DYM: variants seen among roughly 807,000 people sequenced by gnomAD.
DYM encodes dyggve-Melchior-Clausen syndrome protein.
DYM carries 78 observed loss-of-function variants against 93.1 expected under a neutral mutation model. The observed-to-expected ratio is 0.84, with a 90% CI of 0.70 to 1.01. The LOEUF (loss-of-function observed/expected upper bound fraction) is 1.01, where lower values mean the gene tolerates loss of function less well. Ranked by LOEUF, DYM falls within the 50% of genes least tolerant of loss-of-function variation. The probability of loss-of-function intolerance (pLI) is 0.00; values close to 1 mark genes in which losing one functional copy is unlikely to be tolerated. For missense variants in DYM, 789 were observed against 845.0 expected (o/e 0.93, Z 0.82); for synonymous variants, 321 against 319.7 (o/e 1.00, Z -0.04).
chr18:49,314,454 A>ACGTG lies in DYM; in HGVS notation c.763+17406_763+17409dup, dbSNP rs2061798986. On this transcript the variant is annotated intron_variant, in intron 8 of 17. Coordinates refer to ENST00000675505, the MANE Select transcript of DYM (RefSeq NM_001353214.3). ...TTTCTATATGGGCTTCCTGGTACACACGTGCGAATTCCTATGGAGTACATC... is the reference window on the plus strand; with the variant it reads ...TTTCTATATGGGCTTCCTGGTACACACGTGCGTGCGAATTCCTATGGAGTACATC... Among the ~76,000 whole-genome samples, 3 of 152,352 alleles carry ACGTG rather than the reference A, an allele frequency of 2.0e-5. No homozygotes were observed. In the South Asian group the frequency reaches 6.2e-4, roughly 32 times the overall value.
chr18:49,215,923 G>A (rs1043669163), intron 13 of DYM, among the ~76,000 whole-genome samples: 11 of 152,362 alleles, frequency 7.2e-5, no homozygotes, highest in Middle Eastern at 3.4e-3. Context: ...GCAGCGCACC[G>A]TGCGGGAGCC....
intron 15 of DYM, among the ~76,000 whole-genome samples, chr18:49,122,837 T>G (rs923361879): frequency 2.0e-5 from 3 of 152,162 alleles, no homozygotes; most frequent in Non-Finnish European, 2.9e-5. Flanking sequence ...ATATTCGGAG[T>G]GCATTTTGAC....
intron 14 of DYM, among the ~76,000 whole-genome samples, chr18:49,182,175 G>C (rs2089990250): frequency 6.6e-6 from 1 of 152,040 alleles, no homozygotes; most frequent in African/African-American, 2.4e-5. Context: ...TCCATGACTT[G>C]AATCTTATAA....
intron 14 of DYM, among the ~76,000 whole-genome samples, chr18:49,175,135 T>C (rs555418835): frequency 2.6e-4 from 39 of 152,332 alleles, no homozygotes; most frequent in African/African-American, 9.4e-4. Flanking sequence ...GTGTAATGCA[T>C]ATTTGTACTG....
chr18:49,289,762 TATATATATATACAC>T (rs2059965347), intron 8 of DYM, among the ~76,000 whole-genome samples: 2 of 42,164 alleles, frequency 4.7e-5, no homozygotes, highest in East Asian at 8.4e-4. Context: ...TATATATATA[TATATATATATACAC>T]ATATATATAT....
At position 49,042,320 on chromosome 18, in the gene DYM, C is replaced by A. The variant is rs148121511; in HGVS notation, c.*1735G>T. On this transcript the variant is annotated 3_prime_UTR_variant, in exon 18 of 18. Transcript: ENST00000675505. Reference sequence around the variant, plus strand: ...CTGCACTCACCTCTGGGACCCCACCCGGGATGGGCGCTCCACGAGTCCCTT... The same window carrying A: ...CTGCACTCACCTCTGGGACCCCACCAGGGATGGGCGCTCCACGAGTCCCTT... 0.032 allele frequency: 4,904 copies of A among 152,672 alleles called. 96 individuals carry two copies. The highest frequency in any genetic ancestry group is 0.047 in the Non-Finnish European group (3,213 of 68,118). The allele number at this position is 152,672 out of a possible 1,614,324, so 9.5% of individuals were successfully genotyped here.
At chr18:49,347,186 C>T (rs4939576) in intron 6 of DYM, among the ~76,000 whole-genome samples, 142,914 of 152,174 alleles carry the variant, frequency 0.94, 67,186 homozygotes, top group East Asian at 1. Flanking sequence ...GTAGGTCATC[C>T]CTATATTTGT....
In DYM at chr18:49,232,845, G is replaced by A. The variant is rs554240574; in HGVS notation, c.1461-23130C>T. Reference sequence around the variant, plus strand: ...GTTGGTCTTGAACTCCTGACCTCAGGTGATCCGCCCACCTCAGCCTCCCAA... The same window carrying A: ...GTTGGTCTTGAACTCCTGACCTCAGATGATCCGCCCACCTCAGCCTCCCAA... On this transcript the variant is annotated intron_variant, in intron 13 of 17. Transcript: ENST00000675505. 2.6e-5 allele frequency among the ~76,000 whole-genome samples: 4 copies of A among 151,776 alleles called. No individual in the cohort carries two copies. In the East Asian group the frequency reaches 7.8e-4, roughly 30 times the overall value.
intron 11 of DYM, among the ~76,000 whole-genome samples, chr18:49,265,112 AAT>A: frequency 6.6e-6 from 1 of 152,340 alleles, no homozygotes; most frequent in African/African-American, 2.4e-5. Context: ...CTCACTAAAC[AAT>A]ATATGTGCTA....
chr18:49,300,891 T>C (rs2060890251), intron 8 of DYM, among the ~76,000 whole-genome samples: 1 of 152,138 alleles, frequency 6.6e-6, no homozygotes, highest in African/African-American at 2.4e-5. Flanking sequence ...GAAAGTAATA[T>C]TCAAGGAAAG....
chr18:49,233,356 C>CA (rs33916448), intron 13 of DYM, among the ~76,000 whole-genome samples: 343 of 102,004 alleles, frequency 3.4e-3, no homozygotes, highest in East Asian at 0.013. Flanking sequence ...AAGATTCCAT[C>CA]AAAAAAAAAA....
intron 13 of DYM, among the ~76,000 whole-genome samples, chr18:49,235,216 A>G (rs534295787): frequency 6.6e-5 from 10 of 152,352 alleles, no homozygotes; most frequent in African/African-American, 2.4e-4. Flanking sequence ...AATGGAAGCT[A>G]ATACAGACTT....
At chr18:49,051,647 T>C (rs550523464) in intron 17 of DYM, among the ~76,000 whole-genome samples, 5 of 152,258 alleles carry the variant, frequency 3.3e-5, no homozygotes, top group East Asian at 3.9e-4. Context: ...AGGTTGACAA[T>C]AGACATTTTT....
intron 15 of DYM, among the ~76,000 whole-genome samples, chr18:49,142,018 T>C (rs542628702): frequency 6.7e-6 from 1 of 149,110 alleles, no homozygotes; most frequent in African/African-American, 2.5e-5. Flanking sequence ...CACGCCCGGC[T>C]AATTTTTTTT....
intron 2 of DYM, among the ~76,000 whole-genome samples, chr18:49,407,701 C>T (rs1176894127): frequency 1.3e-5 from 2 of 152,188 alleles, no homozygotes; most frequent in East Asian, 1.9e-4. Flanking sequence ...CTACCTCCAA[C>T]GTTGGAGGTC....
intron 14 of DYM, among the ~76,000 whole-genome samples, chr18:49,209,158 T>C (rs571654682): frequency 3.3e-5 from 5 of 152,356 alleles, no homozygotes; most frequent in African/African-American, 1.2e-4. Context: ...GGTGAAATCC[T>C]ACAGCTAGCT....
At chr18:49,314,437 T>G (rs1411080597) in intron 8 of DYM, among the ~76,000 whole-genome samples, 1 of 152,242 alleles carries the variant, frequency 6.6e-6, no homozygotes, top group African/African-American at 2.4e-5. Context: ...TGTTTCTATA[T>G]GGGCTTCCTG....
intron 13 of DYM, among the ~76,000 whole-genome samples, chr18:49,253,637 G>A (rs903752906): frequency 2.8e-4 from 43 of 152,126 alleles, no homozygotes; most frequent in African/African-American, 9.7e-4. Flanking sequence ...CGATGCTCTG[G>A]TCCGCACCGG....
intron 1 of DYM, among the ~76,000 whole-genome samples, chr18:49,451,712 G>T (rs2082529871): frequency 1.3e-5 from 2 of 152,138 alleles, no homozygotes. Context: ...ATAAGACTAA[G>T]GTTTATTCTA....
Sources: allele counts gnomAD v4.1 joint callset (sites outside exome capture counted in the v4.1 genomes callset), GRCh38; gene constraint gnomAD v4.1.1; transcripts MANE v1.5; gene names NCBI Gene and HGNC (gene_info 2026-07-23, HGNC 2026-07-21).